OR8B2: variants seen among roughly 807,000 people sequenced by gnomAD.
OR8B2 encodes the protein olfactory receptor 8B2.
For synonymous variants in OR8B2, 98 were observed against 138.2 expected, an observed-to-expected ratio of 0.71 and a Z score of 2.04; for missense variants, 304 against 379.6, an observed-to-expected ratio of 0.80 and a Z score of 1.65.
At chr11:124,387,013 G>A (rs1408397297), upstream of OR8B2, among the ~76,000 whole-genome samples, 1 of 152,238 alleles carries the variant, frequency 6.6e-6, no homozygotes, top group Non-Finnish European at 1.5e-5. Flanking sequence ...GGCCAGTGAT[G>A]GTGAGTATTT....
chr11:124,386,446 C>T (rs976889877), upstream of OR8B2, among the ~76,000 whole-genome samples: 3 of 135,220 alleles, frequency 2.2e-5, no homozygotes, highest in African/African-American at 5.7e-5. Flanking sequence ...CGTGATGTTC[C>T]CCTTCCTGTG....
At chr11:124,390,418 G>A in the OR8B2 span, among the ~76,000 whole-genome samples, 1 of 152,142 alleles carries the variant, frequency 6.6e-6, no homozygotes, top group Non-Finnish European at 1.5e-5. Context: ...AATTATCTTA[G>A]GCCACACATA....
At chr11:124,391,116 C>G in the OR8B2 span, among the ~76,000 whole-genome samples, 1 of 152,122 alleles carries the variant, frequency 6.6e-6, no homozygotes, top group African/African-American at 2.4e-5. Context: ...TATAACTAAA[C>G]TAATCTGTCT....
At chr11:124,386,329 C>T (rs1276236670), upstream of OR8B2, among the ~76,000 whole-genome samples, 4 of 148,580 alleles carry the variant, frequency 2.7e-5, no homozygotes, top group African/African-American at 1.0e-4. Context: ...CATATGTATA[C>T]ATGTGCCATG....
At chr11:124,391,033 A>G in the OR8B2 span, among the ~76,000 whole-genome samples, 1 of 152,286 alleles carries the variant, frequency 6.6e-6, no homozygotes, top group East Asian at 1.9e-4. Flanking sequence ...TTGGTCAACA[A>G]TCAATTGACC....
upstream of OR8B2, among the ~76,000 whole-genome samples, chr11:124,386,431 C>A (rs1272192484): frequency 1.5e-5 from 2 of 130,210 alleles, no homozygotes; most frequent in South Asian, 5.6e-4. Context: ...CAACAGTCCC[C>A]AGAGCGTGAT....
intron 1 of OR8B2, among the ~76,000 whole-genome samples, chr11:124,383,843 T>A (rs1272991275): frequency 6.6e-6 from 1 of 152,144 alleles, no homozygotes; most frequent in Non-Finnish European, 1.5e-5. Flanking sequence ...ACTATAAGAA[T>A]CCATGAAGTC....
At chr11:124,391,442 A>G in the OR8B2 span, among the ~76,000 whole-genome samples, 1,032 of 152,130 alleles carry the variant, frequency 6.8e-3, 9 homozygotes, top group African/African-American at 0.024. Context: ...TATCACCACC[A>G]ATCCCACAGA....
Position 124,382,543 on chromosome 11 carries a change from C to T in OR8B2, c.801G>A (p.Met267Ile). 2 of 1,613,624 alleles carry T rather than the reference C, an allele frequency of 1.2e-6. No homozygotes were observed. Among genetic ancestry groups the T allele is most frequent in the Non-Finnish European group, 1.7e-6 (2 of 1,179,812 alleles). Residue 267 changes from methionine to isoleucine, a missense_variant, in exon 2 of 2, where the codon ATG becomes ATA. Met to Ile is a conservative substitution (Grantham distance 10). Coordinates refer to ENST00000641451, the MANE Select transcript of OR8B2 (RefSeq NM_001005468.2). ...AAACAGAAGAAACTTTTCCCTGCTC[C>T]ATAGATCCAGAAGAATATTTAATAT... ...FMYIKYSSGS[M>I]EQGKVSSVFY... is the part of the protein sequence containing the mutation.
At chr11:124,385,820 AG>A (rs1167038318), upstream of OR8B2, among the ~76,000 whole-genome samples, 1 of 151,730 alleles carries the variant, frequency 6.6e-6, no homozygotes, top group Non-Finnish European at 1.5e-5. Context: ...TTGTAGGGAT[AG>A]GGGGTCTCAC....
the OR8B2 span, chr11:124,396,766 C>T: frequency 1.1e-5 from 18 of 1,613,694 alleles, no homozygotes; most frequent in Non-Finnish European, 1.4e-5. Flanking sequence ...ACAACCACCT[C>T]GTTGACATAG....
At chr11:124,384,870 A>G (rs1186897876), upstream of OR8B2, among the ~76,000 whole-genome samples, 2 of 152,244 alleles carry the variant, frequency 1.3e-5, no homozygotes, top group Non-Finnish European at 2.9e-5. Context: ...ATAAAGATGT[A>G]AACATAAAGA....
chr11:124,394,990 C>T, the OR8B2 span, among the ~76,000 whole-genome samples: 2 of 151,964 alleles, frequency 1.3e-5, no homozygotes, highest in Admixed American at 1.3e-4. Context: ...TTGTTTGAGG[C>T]CAGGAGTTAA....
the OR8B2 span, among the ~76,000 whole-genome samples, chr11:124,394,054 A>G: frequency 7.2e-6 from 1 of 138,808 alleles, no homozygotes; most frequent in Non-Finnish European, 1.5e-5. Context: ...CAATTGAACA[A>G]TGAGAACACA....
upstream of OR8B2, among the ~76,000 whole-genome samples, chr11:124,386,512 G>GT (rs1440170535): frequency 2.0e-5 from 3 of 146,944 alleles, no homozygotes; most frequent in African/African-American, 5.1e-5. Context: ...GTGGTGTTTG[G>GT]TTTTTTGTTC....
intron 1 of OR8B2, 29 bp from the exon 2 acceptor site, chr11:124,383,389 G>T: frequency 2.0e-6 from 3 of 1,493,076 alleles, no homozygotes; most frequent in South Asian, 1.3e-5. Flanking sequence ...ATTCTATTAG[G>T]AACACAGATT....
At chr11:124,386,788 A>C (rs1435578270), upstream of OR8B2, among the ~76,000 whole-genome samples, 1 of 152,124 alleles carries the variant, frequency 6.6e-6, no homozygotes, top group Admixed American at 6.6e-5. Flanking sequence ...TGGGATGGCT[A>C]GGTCAGATGG....
chr11:124,394,371 T>C, the OR8B2 span, among the ~76,000 whole-genome samples: 1 of 151,968 alleles, frequency 6.6e-6, no homozygotes, highest in South Asian at 2.1e-4. Context: ...TTGCAACACA[T>C]TTTTTGTTAT....
chr11:124,383,073 T>C lies in OR8B2; in HGVS notation c.271A>G (p.Ile91Val), dbSNP rs1482220398. 6.2e-7 allele frequency: 1 copy of C among 1,613,832 alleles called. No homozygotes were observed. Among genetic ancestry groups the C allele is most frequent in the South Asian group, 1.1e-5 (1 of 91,068 alleles). Reference sequence around the variant, plus strand: ...GTCATGCACCCAACATTGGAGATAATATTCTTTTTTGACACAAAGTTCATT... The same window carrying C: ...GTCATGCACCCAACATTGGAGATAACATTCTTTTTTGACACAAAGTTCATT... The part of the protein sequence containing the change: ...MLMNFVSKKN[I>V]ISNVGCMTRL... The change falls in exon 2 of 2, where the codon ATT (isoleucine) becomes GTT (valine). Residue 91 changes from isoleucine to valine, a missense_variant. Physicochemically the swap from Ile to Val is conservative, Grantham distance 29. Transcript: ENST00000641451.
Sources: allele counts gnomAD v4.1 joint callset (sites outside exome capture counted in the v4.1 genomes callset), GRCh38; gene constraint gnomAD v4.1.1; transcripts MANE v1.5; gene names NCBI Gene and HGNC (gene_info 2026-07-23, HGNC 2026-07-21).